The following KDM2A variants were observed in gnomAD, a reference collection of about 807,000 sequenced individuals.
KDM2A encodes the protein lysine-specific demethylase 2A.
A neutral mutation model predicts 137.3 loss-of-function variants in KDM2A; 3 were observed. The ratio of observed to expected loss-of-function variants is 0.02; its 90% CI spans 0.01 to 0.06. The LOEUF (loss-of-function observed/expected upper bound fraction) is 0.06, where lower values mean the gene tolerates loss of function less well. Among genes scored for constraint, KDM2A ranks in the 10% least tolerant of loss-of-function variants. KDM2A has a pLI of 1.00. For synonymous variants in KDM2A, 512 were observed against 541.5 expected, an observed-to-expected ratio of 0.95 and a Z score of 0.76; for missense variants, 738 against 1,510.6, an observed-to-expected ratio of 0.49 and a Z score of 8.48.
rs372207033 is a variant in KDM2A, at chr11:67,245,470, G to T, written c.1833+12G>T. On this transcript the variant is annotated intron_variant, in intron 14 of 20. Coordinates refer to ENST00000529006, the MANE Select transcript of KDM2A (RefSeq NM_012308.3). The surrounding 1 kb of genome is among the most constrained non-coding windows in gnomAD (Gnocchi z 4.1). ...GACAGTGCTTGGCAGTGAGTGATCT[G>T]CTGGGTAAAGAATTTTGGGGAGGGG... 3.8e-5 allele frequency: 62 copies of T among 1,611,002 alleles called. No individual in the cohort carries two copies. Among genetic ancestry groups the T allele is most frequent in the Non-Finnish European group, 5.3e-5 (62 of 1,178,240 alleles).
intron 2 of KDM2A, among the ~76,000 whole-genome samples, chr11:67,156,531 C>T (rs893821227): frequency 3.3e-5 from 5 of 151,744 alleles, no homozygotes; most frequent in African/African-American, 9.7e-5. Context: ...TCCTGGCTAA[C>T]ACAGTGAAAC....
rs1378914593 is a variant in KDM2A at position 67,245,177 on chromosome 11, T to C, written c.1564-12T>C. ...ACCTGATATATTTGACCTCACTGCT[T>C]TCTCTTTCCAGCTTAAATTCCCCAC... On this transcript the variant is annotated splice_polypyrimidine_tract_variant and intron_variant, in intron 13 of 20. Transcript: ENST00000529006. This position sits in a 1 kb window ranked among gnomAD's most constrained non-coding sequence, Gnocchi z 4.1. The C allele has an allele frequency of 1.2e-6, 2 of 1,611,364 alleles. No homozygotes were observed. The highest frequency in any genetic ancestry group is 1.7e-6 in the Non-Finnish European group (2 of 1,178,254).
At chr11:67,241,291 T>A (rs1859034266) in intron 12 of KDM2A, among the ~76,000 whole-genome samples, 1 of 152,126 alleles carries the variant, frequency 6.6e-6, no homozygotes, top group Admixed American at 6.5e-5. Flanking sequence ...ACCCCCACGC[T>A]GTATGGTACT....
At position 67,255,360 on chromosome 11, in the gene KDM2A, G is replaced by T; in HGVS notation, c.*305G>T. 2.2e-6 allele frequency: 1 copy of T among 462,866 alleles called. No homozygotes were observed. The highest frequency in any genetic ancestry group is 4.1e-6 in the Non-Finnish European group (1 of 241,022). 28.7% of individuals were successfully genotyped at this position (462,866 alleles called of 1,614,324 possible). On this transcript the variant is annotated 3_prime_UTR_variant, in exon 21 of 21. Transcript: ENST00000529006. ...CAGGAGGCCGGGCTCTCAGTTTGGG[G>T]TGTTTGTGCAACCTTCATCTGCACT...
chr11:67,224,878 G>A (rs1206361634), intron 10 of KDM2A, among the ~76,000 whole-genome samples: 4 of 109,942 alleles, frequency 3.6e-5, no homozygotes, highest in African/African-American at 1.5e-4. Flanking sequence ...TTTCGCTGCT[G>A]TTGTCCAAGC....
intron 5 of KDM2A, among the ~76,000 whole-genome samples, chr11:67,200,195 A>G (rs1857582724): frequency 6.6e-6 from 1 of 152,070 alleles, no homozygotes; most frequent in Middle Eastern, 3.2e-3. Flanking sequence ...GAATGTACAA[A>G]GAGATTAATA....
At chr11:67,192,928 G>A (rs1402948669) in intron 5 of KDM2A, among the ~76,000 whole-genome samples, 1 of 152,048 alleles carries the variant, frequency 6.6e-6, no homozygotes, top group Admixed American at 6.5e-5. Context: ...GTAGGAGAGT[G>A]TCCTTTGTTC....
chr11:67,221,474 C>G (rs896143705), intron 10 of KDM2A, among the ~76,000 whole-genome samples: 13 of 152,110 alleles, frequency 8.5e-5, no homozygotes, highest in African/African-American at 3.1e-4. Flanking sequence ...TGGTCACTGA[C>G]CTATGTACTG....
At chr11:67,152,703 C>T (rs1482469342) in intron 2 of KDM2A, among the ~76,000 whole-genome samples, 1 of 152,032 alleles carries the variant, frequency 6.6e-6, no homozygotes, top group African/African-American at 2.4e-5. Context: ...TGGCCTGGAA[C>T]AACCCATACC....
chr11:67,245,234 A>G lies in KDM2A; in HGVS notation c.1609A>G (p.Ile537Val). The change falls in exon 14 of 21, where the codon ATT becomes GTT. Residue 537 changes from isoleucine to valine, a missense_variant. By Grantham distance (29) the Ile-to-Val change is conservative. Coordinates refer to ENST00000529006, the MANE Select transcript of KDM2A (RefSeq NM_012308.3). This position sits in a 1 kb window ranked among gnomAD's most constrained non-coding sequence, Gnocchi z 4.1. Reference protein sequence around the residue: ...RPKVRVPTIPITKPHTMKPAP... With the variant: ...RPKVRVPTIPVTKPHTMKPAP... ...AAAGGTGCGGGTTCCTACCATCCCCATTACGAAGCCTCACACTATGAAACC... is the reference window on the plus strand; with the variant it reads ...AAAGGTGCGGGTTCCTACCATCCCCGTTACGAAGCCTCACACTATGAAACC... The G allele has an allele frequency of 6.2e-7, 1 of 1,614,032 alleles. No individual in the cohort carries two copies. Among genetic ancestry groups the G allele is most frequent in the Non-Finnish European group, 8.5e-7 (1 of 1,179,896 alleles).
chr11:67,129,977 T>C (rs1855816658), intron 2 of KDM2A, among the ~76,000 whole-genome samples: 1 of 151,584 alleles, frequency 6.6e-6, no homozygotes, highest in African/African-American at 2.4e-5. Context: ...TTTTTTTTCT[T>C]TTGTGAGACA....
At chr11:67,212,959 A>G (rs1338093846) in intron 6 of KDM2A, among the ~76,000 whole-genome samples, 1 of 152,204 alleles carries the variant, frequency 6.6e-6, no homozygotes, top group Non-Finnish European at 1.5e-5. Flanking sequence ...ATTTTATTTG[A>G]AGGAAAGAAA....
intron 2 of KDM2A, among the ~76,000 whole-genome samples, chr11:67,157,475 T>C (rs369569696): frequency 1.7e-3 from 251 of 152,070 alleles, no homozygotes; most frequent in African/African-American, 5.7e-3. Context: ...CCGGGTGCAG[T>C]GGCTCACGCT....
intron 18 of KDM2A, 99 bp downstream of exon 18, chr11:67,252,956 A>G (rs1859480808): frequency 1.6e-6 from 2 of 1,271,294 alleles, no homozygotes; most frequent in Admixed American, 2.5e-5. Flanking sequence ...ACTGGAGGGC[A>G]GTGTAGGGCA....
chr11:67,136,895 T>C (rs1855980412), intron 2 of KDM2A, among the ~76,000 whole-genome samples: 1 of 152,184 alleles, frequency 6.6e-6, no homozygotes, highest in Non-Finnish European at 1.5e-5. Context: ...CAAATACTAG[T>C]AATGTTAATT....
chr11:67,227,577 T>C (rs1383115083), intron 10 of KDM2A, among the ~76,000 whole-genome samples: 1 of 151,776 alleles, frequency 6.6e-6, no homozygotes, highest in Non-Finnish European at 1.5e-5. Context: ...CCTTTTTTTG[T>C]TGTTGTTGTT....
At position 67,250,497 on chromosome 11, in the gene KDM2A, A is replaced by C. The variant is rs201314767; in HGVS notation, c.2467A>C (p.Thr823Pro). 7 of 1,614,040 alleles carry C rather than the reference A, an allele frequency of 4.3e-6. No individual in the cohort carries two copies. The highest frequency in any genetic ancestry group is 5.9e-6 in the Non-Finnish European group (7 of 1,179,896). ...TSIVPKLQAI[T>P]ASSANLRHSP... ...CATTGTGCCCAAGCTGCAGGCCATCACGGCCTCCTCTGCCAACCTTCGCCA... is the reference window on the plus strand; with the variant it reads ...CATTGTGCCCAAGCTGCAGGCCATCCCGGCCTCCTCTGCCAACCTTCGCCA... Residue 823 changes from threonine (T) to proline (P), a missense_variant, in exon 17 of 21, where the codon ACG becomes CCG. Coordinates refer to ENST00000529006, the MANE Select transcript of KDM2A (RefSeq NM_012308.3). This position sits in a 1 kb window ranked among gnomAD's most constrained non-coding sequence, Gnocchi z 7.1.
chr11:67,223,431 C>G (rs1282361704), intron 10 of KDM2A, among the ~76,000 whole-genome samples: 1 of 151,340 alleles, frequency 6.6e-6, no homozygotes, highest in Non-Finnish European at 1.5e-5. Flanking sequence ...GACACAGGGT[C>G]TCACTCTGTC....
intron 2 of KDM2A, among the ~76,000 whole-genome samples, chr11:67,142,102 G>A (rs36085596): frequency 0.068 from 10,246 of 151,748 alleles, 550 homozygotes; most frequent in African/African-American, 0.14. Flanking sequence ...GCAGTGGCAC[G>A]ATCTCCGCTC....
Sources: gnomAD v4.1 joint callset for allele counts (sites outside exome capture counted in the v4.1 genomes callset) on GRCh38, gnomAD v4.1.1 for gene constraint, Gnocchi (gnomAD v3.1) non-coding constraint, MANE v1.5 for transcripts, NCBI Gene and HGNC (gene_info 2026-07-23, HGNC 2026-07-21) for gene names.